The following SLC8A3 variants were observed in gnomAD, a reference collection of about 807,000 sequenced individuals.
SLC8A3 encodes the protein sodium/calcium exchanger 3.
Under a neutral mutation model 65.4 loss-of-function variants are expected in SLC8A3, and 37 were observed. That is an observed-to-expected ratio of 0.57 (90% CI 0.44 to 0.74). The LOEUF (loss-of-function observed/expected upper bound fraction) is 0.74. SLC8A3 is among the 30% of genes least tolerant of loss of function. SLC8A3 has a pLI of 0.00. For missense variants in SLC8A3, 1,112 were observed against 1,172.1 expected, an observed-to-expected ratio of 0.95 and a Z score of 0.75; for synonymous variants, 461 against 444.5, an observed-to-expected ratio of 1.04 and a Z score of -0.47.
chr14:70,053,857 T>G (rs1241853059), intron 3 of SLC8A3, among the ~76,000 whole-genome samples: 1 of 152,228 alleles, frequency 6.6e-6, no homozygotes, highest in Non-Finnish European at 1.5e-5. Flanking sequence ...TAATTCTAGT[T>G]TCTAGTTTCT....
At chr14:70,104,759 A>G (rs1321499488) in intron 2 of SLC8A3, among the ~76,000 whole-genome samples, 1 of 152,198 alleles carries the variant, frequency 6.6e-6, no homozygotes, top group Non-Finnish European at 1.5e-5. Context: ...ATAAAAGACA[A>G]TGAAAAGACA....
At chr14:70,155,272 A>T (rs1361608823) in intron 2 of SLC8A3, among the ~76,000 whole-genome samples, 1 of 151,950 alleles carries the variant, frequency 6.6e-6, no homozygotes, top group Non-Finnish European at 1.5e-5. Flanking sequence ...ATTTTTTTTT[A>T]AATATACACT....
intron 2 of SLC8A3, among the ~76,000 whole-genome samples, chr14:70,113,330 A>G (rs1220385474): frequency 6.6e-6 from 1 of 152,214 alleles, no homozygotes; most frequent in African/African-American, 2.4e-5. Context: ...TTGGAACACA[A>G]TGGTAAGTAT....
chr14:70,054,105 AG>A (rs1887806178), intron 3 of SLC8A3, among the ~76,000 whole-genome samples: 1 of 152,174 alleles, frequency 6.6e-6, no homozygotes, highest in Non-Finnish European at 1.5e-5. Context: ...AGAGGCTGGG[AG>A]GGGAGAGAAA....
chr14:70,101,151 G>C (rs757593795), intron 2 of SLC8A3, among the ~76,000 whole-genome samples: 1 of 152,206 alleles, frequency 6.6e-6, no homozygotes, highest in Non-Finnish European at 1.5e-5. Flanking sequence ...CAGGATTTCT[G>C]TTCTCCTGGA....
intron 1 of SLC8A3, among the ~76,000 whole-genome samples, chr14:70,174,658 T>G (rs866286682): frequency 3.9e-5 from 2 of 50,984 alleles, no homozygotes; most frequent in East Asian, 2.9e-4. Context: ...TCCGTTTTTT[T>G]TTTGTTTTTT....
chr14:70,135,954 C>T (rs541476210), intron 2 of SLC8A3, among the ~76,000 whole-genome samples: 6 of 152,288 alleles, frequency 3.9e-5, no homozygotes, highest in African/African-American at 1.4e-4. Context: ...ATATTCCAAT[C>T]ACCCTGATTT....
At chr14:70,081,775 G>A (rs1891068963) in intron 2 of SLC8A3, among the ~76,000 whole-genome samples, 1 of 152,174 alleles carries the variant, frequency 6.6e-6, no homozygotes, top group Non-Finnish European at 1.5e-5. Flanking sequence ...ATGTTTATTG[G>A]CCAAAGCAGA....
intron 3 of SLC8A3, among the ~76,000 whole-genome samples, chr14:70,054,015 T>C (rs1887792790): frequency 6.6e-6 from 1 of 152,212 alleles, no homozygotes; most frequent in South Asian, 2.1e-4. Context: ...CTCCTCAGAA[T>C]TTCAAGTAAA....
At chr14:70,075,344 C>T (rs368448726) in intron 2 of SLC8A3, among the ~76,000 whole-genome samples, 1 of 152,300 alleles carries the variant, frequency 6.6e-6, no homozygotes, top group East Asian at 1.9e-4. Flanking sequence ...TTTGCAAGAG[C>T]TCAGCTCCCA....
At chr14:70,074,433 G>C in intron 2 of SLC8A3, among the ~76,000 whole-genome samples, 1 of 152,208 alleles carries the variant, frequency 6.6e-6, no homozygotes, top group Middle Eastern at 3.2e-3. Flanking sequence ...AGGAATAGTG[G>C]ATCCTTTGTG....
chr14:70,167,868 A>T lies in SLC8A3; in HGVS notation c.555T>A (p.Cys185Ter). The T allele has an allele frequency of 6.2e-7, 1 of 1,614,208 alleles. No homozygotes were observed. The highest frequency in any genetic ancestry group is 8.5e-7 in the Non-Finnish European group (1 of 1,180,046). ...AFNMFIIIGI[C>*]VYVIPDGETR... ...TCTCTCCGTCTGGGATCACGTAGAC[A>T]CAGATGCCAATGATGATGAACATGT... is the stretch of plus-strand genomic sequence containing the variant. The change falls in exon 2 of 7, where the codon TGT (cysteine) becomes TGA (stop). Residue 185 changes from cysteine to a stop codon, truncating the protein, a stop_gained. Coordinates refer to ENST00000356921, the MANE Select transcript of SLC8A3 (RefSeq NM_182932.3). LOFTEE classifies it high-confidence loss of function.
intron 2 of SLC8A3, among the ~76,000 whole-genome samples, chr14:70,105,221 C>T (rs1438723415): frequency 5.9e-5 from 9 of 151,832 alleles, no homozygotes; most frequent in Admixed American, 1.3e-4. Flanking sequence ...CCCAGCTGCT[C>T]GGGAGGCTGA....
Position 70,045,047 on chromosome 14 carries a change from T to A in SLC8A3, c.*900A>T, listed in dbSNP as rs1197666602. On this transcript the variant is annotated 3_prime_UTR_variant, in exon 7 of 7. Coordinates refer to ENST00000356921, the MANE Select transcript of SLC8A3 (RefSeq NM_182932.3). ...TCCCATCTCTTCTATTTGGCGGGTC[T>A]TCCTGCAGAAGGATACACAAGTGGA... The A allele has an allele frequency of 6.6e-6, 1 of 152,150 alleles. No individual in the cohort carries two copies. Among genetic ancestry groups the A allele is most frequent in the East Asian group, 1.9e-4 (1 of 5,166 alleles). 9.4% of individuals were successfully genotyped at this position (152,150 alleles called of 1,614,324 possible).
chr14:70,148,731 C>A (rs1424950101), intron 2 of SLC8A3, among the ~76,000 whole-genome samples: 1 of 152,168 alleles, frequency 6.6e-6, no homozygotes, highest in African/African-American at 2.4e-5. Flanking sequence ...GCAATACATA[C>A]GATTCAACCA....
At chr14:70,092,205 T>C (rs1420573086) in intron 2 of SLC8A3, among the ~76,000 whole-genome samples, 1 of 152,188 alleles carries the variant, frequency 6.6e-6, no homozygotes, top group East Asian at 1.9e-4. Flanking sequence ...CCTCATATTC[T>C]TCTGCATTTT....
At chr14:70,108,399 C>CAAAA (rs764907002) in intron 2 of SLC8A3, among the ~76,000 whole-genome samples, 947 of 91,996 alleles carry the variant, frequency 0.01, 13 homozygotes, top group African/African-American at 0.032. Context: ...GACTCCGTCT[C>CAAAA]AAAAAAAAAA....
At chr14:70,108,747 T>C (rs1029977865) in intron 2 of SLC8A3, among the ~76,000 whole-genome samples, 6 of 152,362 alleles carry the variant, frequency 3.9e-5, no homozygotes, top group Admixed American at 1.3e-4. Flanking sequence ...TATTTTATAA[T>C]GCAAAACTGC....
At chr14:70,155,487 A>G (rs566346355) in intron 2 of SLC8A3, among the ~76,000 whole-genome samples, 15 of 152,332 alleles carry the variant, frequency 9.8e-5, no homozygotes, top group African/African-American at 3.6e-4. Context: ...TTAGAAGATC[A>G]AGGTTTTGAT....
Sources: allele counts gnomAD v4.1 joint callset (sites outside exome capture counted in the v4.1 genomes callset), GRCh38; gene constraint gnomAD v4.1.1; transcripts MANE v1.5; gene names NCBI Gene and HGNC (gene_info 2026-07-23, HGNC 2026-07-21).